AXL: variants seen among roughly 807,000 people sequenced by gnomAD.
AXL encodes the protein tyrosine-protein kinase receptor UFO.
Under a neutral mutation model 104.5 loss-of-function variants are expected in AXL, and 52 were observed. The ratio of observed to expected loss-of-function variants is 0.50; its 90% CI spans 0.40 to 0.63. The LOEUF (loss-of-function observed/expected upper bound fraction) is 0.63. Ranked by LOEUF, AXL falls within the 20% of genes least tolerant of loss-of-function variation. The pLI is 0.00. For synonymous variants in AXL, 455 were observed against 473.7 expected (o/e 0.96, Z 0.51); for missense variants, 1,024 against 1,188.5 (o/e 0.86, Z 2.04).
At chr19:41,222,762 C>T (rs959426064) in intron 4 of AXL, among the ~76,000 whole-genome samples, 1 of 151,568 alleles carries the variant, frequency 6.6e-6, no homozygotes, top group East Asian at 2.0e-4. Flanking sequence ...AAAAATTAGC[C>T]GGGCGTGGTG....
chr19:41,243,280 A>G (rs2034214977), intron 11 of AXL, among the ~76,000 whole-genome samples: 1 of 152,138 alleles, frequency 6.6e-6, no homozygotes, highest in Admixed American at 6.6e-5. Flanking sequence ...ATTAGCGGGA[A>G]GTGTAGGCAC....
intron 6 of AXL, among the ~76,000 whole-genome samples, chr19:41,236,797 A>G (rs1410417225): frequency 1.3e-5 from 2 of 151,992 alleles, no homozygotes; most frequent in African/African-American, 4.8e-5. Context: ...AAAAAAAAAA[A>G]AAAAGAAAAA....
chr19:41,231,129 T>C (rs2033980410), intron 5 of AXL, 54 bp from the exon 6 acceptor site: 1 of 1,610,540 alleles, frequency 6.2e-7, no homozygotes, highest in Non-Finnish European at 8.5e-7. Context: ...GAGAGCAGGG[T>C]AGGGAGCTTT....
chr19:41,247,641 G>A (rs973524300), intron 12 of AXL, among the ~76,000 whole-genome samples: 1 of 152,204 alleles, frequency 6.6e-6, no homozygotes, highest in African/African-American at 2.4e-5. Context: ...CTGGGGTGCA[G>A]TGGCATGAGC....
At chr19:41,240,237 T>A (rs533544759) in intron 10 of AXL, among the ~76,000 whole-genome samples, 9 of 136,300 alleles carry the variant, frequency 6.6e-5, no homozygotes, top group African/African-American at 2.5e-4. Context: ...GGTGGGTGGA[T>A]ATATGGAGGG....
At chr19:41,224,373 T>TC (rs972692684) in intron 4 of AXL, among the ~76,000 whole-genome samples, 25 of 151,820 alleles carry the variant, frequency 1.6e-4, no homozygotes, top group African/African-American at 5.8e-4. Flanking sequence ...CCACCTTTTT[T>TC]CCCCCTTATT....
Position 41,219,480 on chromosome 19 carries a change from G to T in AXL, c.85+3G>T. 6.2e-7 allele frequency: 1 copy of T among 1,601,006 alleles called. No individual in the cohort carries two copies. The highest frequency in any genetic ancestry group is 8.5e-7 in the Non-Finnish European group (1 of 1,174,252). On this transcript the variant is annotated splice_donor_region_variant and intron_variant, in intron 1 of 19. Coordinates refer to ENST00000301178, the MANE Select transcript of AXL (RefSeq NM_021913.5). ...CTGGGCGTGCATGGCCCCCAGGGGT[G>T]AGTGATGGGGGCTCCTTGGGGCAGG...
At chr19:41,221,753 C>T (rs560466934) in intron 3 of AXL, 127 bp from the exon 4 acceptor site, 4 of 1,007,912 alleles carry the variant, frequency 4.0e-6, no homozygotes, top group South Asian at 3.4e-5. Context: ...CCTCGGGGAT[C>T]AGATAAGGCA....
At position 41,259,541 on chromosome 19, in the gene AXL, T is replaced by C; in HGVS notation, c.2334-12T>C. The C allele has an allele frequency of 6.4e-7, 1 of 1,574,208 alleles. No homozygotes were observed. The highest frequency in any genetic ancestry group is 8.6e-7 in the Non-Finnish European group (1 of 1,157,198). On this transcript the variant is annotated splice_polypyrimidine_tract_variant and intron_variant, in intron 19 of 19. Transcript: ENST00000301178. ...CCTGCTCAATCTCCCACCCCTCATT[T>C]TGCTGCCCTAGGTATGCCTTGATGT...
intron 6 of AXL, among the ~76,000 whole-genome samples, chr19:41,236,231 G>A (rs1340229030): frequency 6.6e-6 from 1 of 151,530 alleles, no homozygotes; most frequent in Non-Finnish European, 1.5e-5. Context: ...TACTCGAGAG[G>A]CTGAAGCAGA....
At position 41,221,178 on chromosome 19, in the gene AXL, A is replaced by G. The variant is rs2033784328; in HGVS notation, c.341A>G (p.Gln114Arg). The change falls in exon 3 of 20, where the codon CAG becomes CGG. Residue 114 changes from glutamine (Q) to arginine (R), a missense_variant. By Grantham distance (43) the Gln-to-Arg change is conservative. Around this residue, in one of 5 missense-constraint regions of AXL, gnomAD observed 41 missense variants for 76.2 expected, o/e 0.54. Transcript: ENST00000301178. Reference protein sequence around the residue: ...ITSLQLSDTGQYQCLVFLGHQ... With the variant: ...ITSLQLSDTGRYQCLVFLGHQ... ...TCCCTGCAGCTTTCCGACACGGGACAGTACCAGTGTTTGGTGTTTCTGGGA... is the reference window on the plus strand; with the variant it reads ...TCCCTGCAGCTTTCCGACACGGGACGGTACCAGTGTTTGGTGTTTCTGGGA... 2 of 1,613,944 alleles carry G rather than the reference A, an allele frequency of 1.2e-6. No homozygotes were observed. Among genetic ancestry groups the G allele is most frequent in the South Asian group, 1.1e-5 (1 of 91,072 alleles).
intron 19 of AXL, among the ~76,000 whole-genome samples, chr19:41,258,487 C>T (rs563541877): frequency 2.0e-5 from 3 of 152,362 alleles, no homozygotes; most frequent in African/African-American, 7.2e-5. Context: ...ATGGCTCCAT[C>T]TCGGCTCACT....
At chr19:41,236,638 G>A (rs956775943) in intron 6 of AXL, among the ~76,000 whole-genome samples, 5 of 151,154 alleles carry the variant, frequency 3.3e-5, no homozygotes, top group African/African-American at 9.7e-5. Flanking sequence ...GCAATTAGTC[G>A]GGCGTGGTGG....
chr19:41,232,662 A>G (rs2034011809), intron 6 of AXL, among the ~76,000 whole-genome samples: 1 of 151,974 alleles, frequency 6.6e-6, no homozygotes, highest in Non-Finnish European at 1.5e-5. Flanking sequence ...GAAGAAAACC[A>G]AAACCAAAAC....
At chr19:41,246,778 C>T (rs1376369140) in intron 12 of AXL, among the ~76,000 whole-genome samples, 1 of 152,136 alleles carries the variant, frequency 6.6e-6, no homozygotes, top group African/African-American at 2.4e-5. Context: ...TGATCTCCAA[C>T]TCCAGGCCTC....
In AXL at chr19:41,231,023, A is replaced by G; in HGVS notation, c.643A>G (p.Thr215Ala). Residue 215 changes from threonine (T) to alanine (A), a missense_variant, in exon 5 of 20, where the codon ACA becomes GCA. Physicochemically the swap from Thr to Ala is moderately conservative, Grantham distance 58 (BLOSUM62 0). This residue lies in a region of AXL where 332 missense variants were observed against 343.9 expected (regional missense o/e 0.97). Coordinates refer to ENST00000301178, the MANE Select transcript of AXL (RefSeq NM_021913.5). ...CEAHNAKGVTTSRTATITVLP... is the reference protein window; with the variant it reads ...CEAHNAKGVTASRTATITVLP... ...AGCCCATAACGCCAAGGGGGTCACC[A>G]CATCCCGCACAGCCACCATCACAGG... is the stretch of plus-strand genomic sequence containing the variant. 1 of 1,613,906 alleles carries G rather than the reference A, an allele frequency of 6.2e-7. No individual in the cohort carries two copies. Among genetic ancestry groups the G allele is most frequent in the Non-Finnish European group, 8.5e-7 (1 of 1,179,904 alleles).
rs199906180 is a variant in AXL at position 41,239,166 on chromosome 19, G to C, written c.1137G>C (p.Val379=). Residue 379 remains valine (V), a splice_region_variant and synonymous_variant, in exon 9 of 20, where the codon GTG becomes GTC. Coordinates refer to ENST00000301178, the MANE Select transcript of AXL (RefSeq NM_021913.5). ...LAYQGQDTPE[V]LMDIGLRQEV... is the part of the protein sequence containing the mutation. ...GATGCCACTTCTGGACCTCCTAGGT[G>C]CTAATGGACATAGGGCTAAGGCAAG... 2 of 1,613,146 alleles carry C rather than the reference G, an allele frequency of 1.2e-6. No homozygotes were observed. Among genetic ancestry groups the C allele is most frequent in the Non-Finnish European group, 1.7e-6 (2 of 1,179,508 alleles).
At chr19:41,253,781 T>TAAGA in intron 17 of AXL, 73 bp downstream of exon 17, 1 of 1,220,510 alleles carries the variant, frequency 8.2e-7, no homozygotes, top group East Asian at 2.4e-5. Context: ...CCCTCCTTCT[T>TAAGA]AGGATGGAAG....
intron 6 of AXL, 57 bp downstream of exon 6, chr19:41,231,355 CA>C: frequency 6.8e-7 from 1 of 1,463,332 alleles, no homozygotes; most frequent in African/African-American, 1.4e-5. Flanking sequence ...CCCACATCCA[CA>C]ACCCCCATCC....
Sources: gnomAD v4.1 joint callset for allele counts (sites outside exome capture counted in the v4.1 genomes callset) on GRCh38, gnomAD v4.1.1 for gene constraint, gnomAD v4.1.1 regional missense constraint, MANE v1.5 for transcripts, NCBI Gene and HGNC (gene_info 2026-07-23, HGNC 2026-07-21) for gene names.